Variants in TEK observed in about 807,000 individuals in gnomAD.
TEK encodes TEK receptor tyrosine kinase.
A neutral mutation model predicts 131.8 loss-of-function variants in TEK; 43 were observed. The observed-to-expected ratio is 0.33, with a 90% CI of 0.26 to 0.42. The LOEUF is 0.42. Among genes scored for constraint, TEK ranks in the 10% least tolerant of loss-of-function variants. The pLI, the probability that TEK is intolerant of heterozygous loss-of-function variation, is 1.00. For synonymous variants in TEK, 580 were observed against 491.6 expected (o/e 1.18, Z -2.38); for missense variants, 1,162 against 1,384.4 (o/e 0.84, Z 2.55).
At position 27,197,470 on chromosome 9, in the gene TEK, C is replaced by G. The variant is rs757393856; in HGVS notation, c.1780C>G (p.Pro594Ala). 3.1e-6 allele frequency: 5 copies of G among 1,613,878 alleles called. No homozygotes were observed. Among genetic ancestry groups the G allele is most frequent in the Non-Finnish European group, 3.4e-6 (4 of 1,179,988 alleles). Residue 594 changes from proline to alanine, a missense_variant, in exon 12 of 23, where the codon CCA becomes GCA. Pro to Ala is a conservative substitution (Grantham distance 27). Around this residue, in one of 6 missense-constraint regions of TEK, gnomAD observed 477 missense variants for 471.0 expected, o/e 1.01. Coordinates refer to ENST00000380036, the MANE Select transcript of TEK (RefSeq NM_000459.5). ...AAGTGATCAGCAGAATATTAAAGTT[C>G]CAGGCAACTTGACTTCGGTGCTACT... Reference protein sequence around the residue: ...QKSDQQNIKVPGNLTSVLLNN... With the variant: ...QKSDQQNIKVAGNLTSVLLNN...
chr9:27,138,009 C>T (rs1481613115), intron 1 of TEK, among the ~76,000 whole-genome samples: 7 of 152,074 alleles, frequency 4.6e-5, no homozygotes, highest in South Asian at 2.1e-4. Context: ...GGAGTGAAGC[C>T]GCAAACCTTC....
At chr9:27,206,115 C>G (rs527820879) in intron 14 of TEK, among the ~76,000 whole-genome samples, 1 of 152,138 alleles carries the variant, frequency 6.6e-6, no homozygotes, top group Non-Finnish European at 1.5e-5. Flanking sequence ...AGCCTTACTA[C>G]GAGAGAGAAA....
At chr9:27,219,348 G>A (rs1825953854) in intron 20 of TEK, among the ~76,000 whole-genome samples, 1 of 152,172 alleles carries the variant, frequency 6.6e-6, no homozygotes, top group South Asian at 2.1e-4. Flanking sequence ...GACCATGGAT[G>A]AAGCTAGAAA....
intron 1 of TEK, among the ~76,000 whole-genome samples, chr9:27,157,134 G>A (rs995940811): frequency 1.7e-4 from 26 of 152,158 alleles, no homozygotes; most frequent in African/African-American, 5.8e-4. Context: ...TTTTACATTT[G>A]GGGAGAGGGT....
At chr9:27,124,470 G>A (rs1045638288) in intron 1 of TEK, among the ~76,000 whole-genome samples, 4 of 152,252 alleles carry the variant, frequency 2.6e-5, no homozygotes, top group Admixed American at 2.6e-4. Flanking sequence ...GTAGAAACAA[G>A]TAAACAAGTG....
chr9:27,175,696 G>A (rs1019272458), intron 6 of TEK, among the ~76,000 whole-genome samples: 1 of 152,058 alleles, frequency 6.6e-6, no homozygotes, highest in African/African-American at 2.4e-5. Flanking sequence ...GGTGTGAGAT[G>A]GTATCTCATT....
At chr9:27,160,116 G>A (rs910226270) in intron 2 of TEK, among the ~76,000 whole-genome samples, 5 of 145,614 alleles carry the variant, frequency 3.4e-5, no homozygotes, top group South Asian at 2.3e-4. Flanking sequence ...TTGACCTCCC[G>A]GGCTCATGCT....
chr9:27,172,415 C>T (rs1823990916), intron 4 of TEK, among the ~76,000 whole-genome samples: 1 of 152,168 alleles, frequency 6.6e-6, no homozygotes, highest in African/African-American at 2.4e-5. Context: ...GAGTTAGGTA[C>T]TCCTTGTCTT....
At chr9:27,117,583 C>T (rs1038316112) in intron 1 of TEK, among the ~76,000 whole-genome samples, 2 of 152,158 alleles carry the variant, frequency 1.3e-5, no homozygotes, top group Non-Finnish European at 2.9e-5. Context: ...GTGGATGTGC[C>T]AGATGCAGAG....
At chr9:27,144,497 C>T (rs1463132558) in intron 1 of TEK, among the ~76,000 whole-genome samples, 1 of 152,168 alleles carries the variant, frequency 6.6e-6, no homozygotes, top group Non-Finnish European at 1.5e-5. Context: ...AGGCCTCCGA[C>T]TCTTGAGATA....
At chr9:27,121,881 AT>A (rs1821805301) in intron 1 of TEK, among the ~76,000 whole-genome samples, 2 of 152,284 alleles carry the variant, frequency 1.3e-5, no homozygotes, top group Admixed American at 6.5e-5. Flanking sequence ...TAACAAAAGC[AT>A]TTTGGGCGTG....
intron 18 of TEK, among the ~76,000 whole-genome samples, chr9:27,216,628 C>G (rs1263307058): frequency 6.6e-6 from 1 of 152,108 alleles, no homozygotes; most frequent in Non-Finnish European, 1.5e-5. Context: ...TACAAAATTA[C>G]CATTTAGAAT....
At chr9:27,172,242 G>C (rs1823985518) in intron 4 of TEK, among the ~76,000 whole-genome samples, 1 of 152,164 alleles carries the variant, frequency 6.6e-6, no homozygotes, top group Non-Finnish European at 1.5e-5. Flanking sequence ...AACCATACCT[G>C]CAGCTCCCTG....
At chr9:27,118,648 C>A (rs995979972) in intron 1 of TEK, among the ~76,000 whole-genome samples, 1 of 152,114 alleles carries the variant, frequency 6.6e-6, no homozygotes, top group Non-Finnish European at 1.5e-5. Flanking sequence ...AACAACAAAC[C>A]GGAAAATGGC....
chr9:27,154,379 G>A (rs531419842), intron 1 of TEK, among the ~76,000 whole-genome samples: 2 of 152,276 alleles, frequency 1.3e-5, no homozygotes, highest in East Asian at 1.9e-4. Context: ...GAGCCACCGC[G>A]CCCAGCCTCC....
At chr9:27,223,278 AATAGAC>A (rs1348517140) in intron 21 of TEK, among the ~76,000 whole-genome samples, 2 of 142,052 alleles carry the variant, frequency 1.4e-5, no homozygotes, top group African/African-American at 5.0e-5. Flanking sequence ...AAGTAGACCT[AATAGAC>A]ATCTACAGAA....
Position 27,218,765 on chromosome 9 carries a change from T to C in TEK, c.3063-12T>C. The C allele has an allele frequency of 6.2e-7, 1 of 1,613,998 alleles. No individual in the cohort carries two copies. ...TTGCTGATTGTTGGTTTCACACTTG[T>C]CCCTCCTGCAGATGGTCCTATGGTG... On this transcript the variant is annotated splice_polypyrimidine_tract_variant and intron_variant, in intron 19 of 22. Transcript: ENST00000380036.
At chr9:27,169,651 A>G (rs1564073393) in intron 4 of TEK, 22 bp downstream of exon 4, 1 of 1,613,818 alleles carries the variant, frequency 6.2e-7, no homozygotes, top group Admixed American at 1.7e-5. Context: ...AGAGGCCACC[A>G]TTTGTGATGG....
intron 1 of TEK, among the ~76,000 whole-genome samples, chr9:27,140,032 A>G (rs987868653): frequency 6.6e-6 from 1 of 152,188 alleles, no homozygotes; most frequent in Non-Finnish European, 1.5e-5. Flanking sequence ...ATGCTAGCCC[A>G]TTAGGGTTTT....
Sources: allele counts gnomAD v4.1 joint callset (sites outside exome capture counted in the v4.1 genomes callset), GRCh38; gene constraint gnomAD v4.1.1; regional missense constraint gnomAD v4.1.1; transcripts MANE v1.5; gene names NCBI Gene and HGNC (gene_info 2026-07-23, HGNC 2026-07-21).